The following RPS6KA5 variants were observed in gnomAD, a reference collection of about 807,000 sequenced individuals.
The protein encoded by RPS6KA5 is ribosomal protein S6 kinase A5.
Under a neutral mutation model 85.5 loss-of-function variants are expected in RPS6KA5, and 27 were observed. The observed-to-expected ratio is 0.32, with a 90% confidence interval of 0.23 to 0.44. The LOEUF (loss-of-function observed/expected upper bound fraction) is 0.44. Among genes scored for constraint, RPS6KA5 ranks in the 20% least tolerant of loss-of-function variants. RPS6KA5 has a pLI of 1.00. For missense variants in RPS6KA5, 811 were observed against 980.9 expected (o/e 0.83, Z 2.31); for synonymous variants, 334 against 348.2 (o/e 0.96, Z 0.46).
chr14:90,949,468 T>C lies in RPS6KA5; in HGVS notation c.395-1918A>G, dbSNP rs559190310. 2.1e-4 allele frequency among the ~76,000 whole-genome samples: 32 copies of C among 152,368 alleles called. 1 individual carries two copies. The Middle Eastern group carries it at 0.014, about 65-fold the overall frequency. ...TATATTCATTACTATTTACTCATCA[T>C]AGTGCCTGCATGCAGTAAGCACAAA... On this transcript the variant is annotated intron_variant, in intron 3 of 16. Transcript: ENST00000614987.
chr14:91,023,594 G>A (rs750402541), intron 1 of RPS6KA5, among the ~76,000 whole-genome samples: 1 of 151,928 alleles, frequency 6.6e-6, no homozygotes, highest in Non-Finnish European at 1.5e-5. Flanking sequence ...CTCAAACTTT[G>A]TTTTATAGCC....
At chr14:90,949,873 A>C (rs2038082859) in intron 3 of RPS6KA5, among the ~76,000 whole-genome samples, 1 of 152,220 alleles carries the variant, frequency 6.6e-6, no homozygotes, top group African/African-American at 2.4e-5. Context: ...CTAAAATATC[A>C]AGTGACCTAC....
chr14:90,996,764 A>C (rs75310743), intron 2 of RPS6KA5, among the ~76,000 whole-genome samples: 3,333 of 152,306 alleles, frequency 0.022, 44 homozygotes, highest in Non-Finnish European at 0.031. Context: ...ATGGAAAGTC[A>C]GGTAAACATT....
intron 14 of RPS6KA5, among the ~76,000 whole-genome samples, chr14:90,887,617 T>C (rs1595130275): frequency 6.6e-6 from 1 of 152,206 alleles, no homozygotes; most frequent in Middle Eastern, 3.4e-3. Context: ...ACATAGTATA[T>C]AAATTAGATC....
intron 1 of RPS6KA5, among the ~76,000 whole-genome samples, chr14:91,057,528 C>T (rs1004794048): frequency 1.4e-5 from 2 of 142,022 alleles, no homozygotes; most frequent in African/African-American, 2.6e-5. Flanking sequence ...ATTATAGTAC[C>T]GTGTGTTAAC....
intron 14 of RPS6KA5, among the ~76,000 whole-genome samples, chr14:90,889,486 T>C (rs542493922): frequency 1.3e-5 from 2 of 152,072 alleles, no homozygotes; most frequent in Non-Finnish European, 2.9e-5. Flanking sequence ...ATCTGATAAA[T>C]CTTTTAGAAG....
intron 5 of RPS6KA5, among the ~76,000 whole-genome samples, chr14:90,937,145 G>C (rs889113396): frequency 3.3e-5 from 5 of 152,230 alleles, no homozygotes; most frequent in Middle Eastern, 3.4e-3. Flanking sequence ...GGTGGGTGTT[G>C]TGTCACAGAG....
At chr14:91,015,376 T>A (rs142740655) in intron 1 of RPS6KA5, among the ~76,000 whole-genome samples, 1 of 150,636 alleles carries the variant, frequency 6.6e-6, no homozygotes, top group African/African-American at 2.4e-5. Flanking sequence ...TGTGAATGAT[T>A]AAAAAAAAAA....
chr14:91,004,860 C>T (rs938964910), intron 1 of RPS6KA5, among the ~76,000 whole-genome samples: 9 of 151,664 alleles, frequency 5.9e-5, no homozygotes, highest in Non-Finnish European at 7.4e-5. Context: ...CCCAGCTCCT[C>T]GGGAGGCTGA....
intron 1 of RPS6KA5, among the ~76,000 whole-genome samples, chr14:91,041,183 AG>A (rs1304315716): frequency 3.9e-5 from 6 of 152,258 alleles, no homozygotes; most frequent in Admixed American, 1.3e-4. Context: ...TTTCAAAAAC[AG>A]GTGCAAAGCA....
intron 3 of RPS6KA5, among the ~76,000 whole-genome samples, chr14:90,967,436 A>C (rs183282425): frequency 1.4e-4 from 22 of 152,338 alleles, no homozygotes; most frequent in Admixed American, 3.9e-4. Context: ...ATTTACAGGC[A>C]TCAGTTACAA....
intron 2 of RPS6KA5, among the ~76,000 whole-genome samples, chr14:90,981,639 C>T (rs1387472423): frequency 2.6e-5 from 4 of 152,194 alleles, no homozygotes; most frequent in Non-Finnish European, 5.9e-5. Flanking sequence ...ACTCTGCCAA[C>T]GCAATTGTGT....
intron 3 of RPS6KA5, among the ~76,000 whole-genome samples, chr14:90,965,695 G>C (rs1245488601): frequency 6.6e-6 from 1 of 152,146 alleles, no homozygotes; most frequent in Non-Finnish European, 1.5e-5. Flanking sequence ...GACACACGAG[G>C]AAAGCTTAGC....
chr14:90,989,015 TAAA>T (rs1007694611), intron 2 of RPS6KA5, among the ~76,000 whole-genome samples: 2 of 152,176 alleles, frequency 1.3e-5, no homozygotes, highest in South Asian at 2.1e-4. Flanking sequence ...GAGATGCTAA[TAAA>T]GTAAGTGACT....
At chr14:90,923,997 C>T (rs1286127) in intron 5 of RPS6KA5, among the ~76,000 whole-genome samples, 76,049 of 151,910 alleles carry the variant, frequency 0.5, 19,548 homozygotes, top group East Asian at 0.55. Context: ...TTTTCTTCTA[C>T]CTTTTCCAAG....
intron 3 of RPS6KA5, among the ~76,000 whole-genome samples, chr14:90,975,820 G>A (rs2039539244): frequency 1.3e-5 from 2 of 152,270 alleles, no homozygotes; most frequent in African/African-American, 4.8e-5. Flanking sequence ...ATCTTTAAAA[G>A]TCAACTGCTG....
intron 6 of RPS6KA5, among the ~76,000 whole-genome samples, chr14:90,921,384 A>G (rs2036393313): frequency 6.6e-6 from 1 of 152,194 alleles, no homozygotes; most frequent in South Asian, 2.1e-4. Context: ...GTGGGAAAAA[A>G]TATTTATTGA....
At chr14:90,964,581 A>T (rs983492824) in intron 3 of RPS6KA5, among the ~76,000 whole-genome samples, 1 of 152,132 alleles carries the variant, frequency 6.6e-6, no homozygotes, top group Non-Finnish European at 1.5e-5. Context: ...TTTTTTATCT[A>T]CTTAGGCAGG....
intron 1 of RPS6KA5, among the ~76,000 whole-genome samples, chr14:91,015,198 T>C (rs1173511609): frequency 6.6e-6 from 1 of 152,188 alleles, no homozygotes; most frequent in African/African-American, 2.4e-5. Flanking sequence ...CCATTAACTA[T>C]TTGACAGGTT....
Sources: gnomAD v4.1 joint callset for allele counts (sites outside exome capture counted in the v4.1 genomes callset) on GRCh38, gnomAD v4.1.1 for gene constraint, MANE v1.5 for transcripts, NCBI Gene and HGNC (gene_info 2026-07-23, HGNC 2026-07-21) for gene names.